Variants in CDK19 observed in about 807,000 individuals in gnomAD.
The protein encoded by CDK19 is cyclin-dependent kinase 19.
Under a neutral mutation model 68.3 loss-of-function variants are expected in CDK19, and 20 were observed. That is an observed-to-expected ratio of 0.29 (90% CI 0.21 to 0.43). The LOEUF is 0.43. CDK19 is among the 20% of genes least tolerant of loss of function. The pLI is 1.00. For missense variants in CDK19, 339 were observed against 623.5 expected (o/e 0.54, Z 4.86); for synonymous variants, 221 against 222.8 (o/e 0.99, Z 0.07).
At chr6:110,786,225 GTC>G (rs1485239184) in intron 1 of CDK19, among the ~76,000 whole-genome samples, 1 of 152,094 alleles carries the variant, frequency 6.6e-6, no homozygotes, top group Non-Finnish European at 1.5e-5. Flanking sequence ...CTTCTTGTGT[GTC>G]TTTTTCCTCA....
At chr6:110,627,354 G>A (rs1254337317) in intron 6 of CDK19, among the ~76,000 whole-genome samples, 2 of 151,244 alleles carry the variant, frequency 1.3e-5, no homozygotes, top group Non-Finnish European at 3.0e-5. Context: ...GTGTGTATGT[G>A]TATATATATA....
intron 2 of CDK19, among the ~76,000 whole-genome samples, chr6:110,711,824 C>T (rs1384517523): frequency 4.6e-5 from 7 of 152,132 alleles, no homozygotes; most frequent in East Asian, 3.9e-4. Flanking sequence ...AAAAATTAAC[C>T]GGGCGTGGTG....
chr6:110,774,855 G>A (rs969817109), intron 1 of CDK19, among the ~76,000 whole-genome samples: 1 of 151,432 alleles, frequency 6.6e-6, no homozygotes, highest in African/African-American at 2.4e-5. Flanking sequence ...AGGCTGAGGT[G>A]GGAGGATCAC....
At chr6:110,759,428 A>AT (rs1554219514) in intron 1 of CDK19, among the ~76,000 whole-genome samples, 683 of 50,736 alleles carry the variant, frequency 0.013, 7 homozygotes, top group Middle Eastern at 0.056. Flanking sequence ...AAAAAAAAAA[A>AT]ATATATATAT....
At chr6:110,776,422 T>A (rs1554222019) in intron 1 of CDK19, among the ~76,000 whole-genome samples, 1 of 144,016 alleles carries the variant, frequency 6.9e-6, no homozygotes, top group Non-Finnish European at 1.5e-5. Context: ...AGACTGAAAC[T>A]CTGTCTCAAA....
At position 110,815,270 on chromosome 6, in the gene CDK19, C is replaced by G. The variant is rs887444795; in HGVS notation, c.-134G>C. The stretch of plus-strand genomic sequence containing the variant: ...GCGCGCGCGCGCGCCGCCCGCCGCC[C>G]GCCGCTCCGCGGTCCGCCTTCAGCA... On this transcript the variant is annotated 5_prime_UTR_variant, in exon 1 of 13. Coordinates refer to ENST00000368911, the MANE Select transcript of CDK19 (RefSeq NM_015076.5). 6 of 1,041,350 alleles carry G rather than the reference C, an allele frequency of 5.8e-6. No individual in the cohort carries two copies. Among genetic ancestry groups the G allele is most frequent in the Non-Finnish European group, 7.6e-6 (6 of 792,894 alleles). The allele number at this position is 1,041,350 out of a possible 1,614,324, so 64.5% of individuals were successfully genotyped here.
intron 1 of CDK19, among the ~76,000 whole-genome samples, chr6:110,803,190 C>T (rs922795759): frequency 6.6e-6 from 1 of 152,182 alleles, no homozygotes; most frequent in Non-Finnish European, 1.5e-5. Context: ...CGCCATTCTC[C>T]TGCCTCAGCC....
At chr6:110,681,744 T>G (rs1021488379) in intron 2 of CDK19, among the ~76,000 whole-genome samples, 1 of 152,192 alleles carries the variant, frequency 6.6e-6, no homozygotes, top group Non-Finnish European at 1.5e-5. Context: ...TAAACAGCAA[T>G]TAAGTAGACC....
intron 5 of CDK19, among the ~76,000 whole-genome samples, chr6:110,636,260 C>T (rs991217613): frequency 3.3e-5 from 5 of 152,164 alleles, no homozygotes; most frequent in South Asian, 4.1e-4. Context: ...ATAAAGACTT[C>T]GGCTAGGGTG....
chr6:110,723,701 G>A (rs980564607), intron 2 of CDK19, among the ~76,000 whole-genome samples: 17 of 152,014 alleles, frequency 1.1e-4, no homozygotes, highest in African/African-American at 4.1e-4. Context: ...ACAATTAAAG[G>A]CCTTTTTATA....
At chr6:110,801,072 C>T (rs1214841572) in intron 1 of CDK19, among the ~76,000 whole-genome samples, 1 of 152,110 alleles carries the variant, frequency 6.6e-6, no homozygotes, top group Admixed American at 6.6e-5. Context: ...CAAAAGACTC[C>T]AAGACCCGAT....
chr6:110,746,397 G>A (rs1778081847), intron 1 of CDK19, among the ~76,000 whole-genome samples, 196 bp from the exon 2 acceptor site: 1 of 152,022 alleles, frequency 6.6e-6, no homozygotes, highest in Non-Finnish European at 1.5e-5. Flanking sequence ...ATGTCACAAT[G>A]AAAACATCAG....
At chr6:110,789,682 T>C (rs1177304983) in intron 1 of CDK19, among the ~76,000 whole-genome samples, 1 of 152,204 alleles carries the variant, frequency 6.6e-6, no homozygotes, top group Non-Finnish European at 1.5e-5. Context: ...AGTGCTGGGA[T>C]TGCAGGAATG....
intron 2 of CDK19, among the ~76,000 whole-genome samples, chr6:110,695,126 T>TAAAGGGG (rs61287960): frequency 6.2e-4 from 89 of 143,624 alleles, no homozygotes; most frequent in African/African-American, 1.9e-3. Context: ...GGAGAAAGGG[T>TAAAGGGG]AAAGGGGAAA....
intron 2 of CDK19, among the ~76,000 whole-genome samples, chr6:110,701,324 C>T (rs1415877431): frequency 1.8e-4 from 27 of 150,718 alleles, no homozygotes; most frequent in African/African-American, 6.6e-4. Flanking sequence ...GGGCAGATCA[C>T]GAGGTCAGGA....
intron 2 of CDK19, among the ~76,000 whole-genome samples, chr6:110,744,345 A>G (rs1362306991): frequency 6.6e-6 from 1 of 151,840 alleles, no homozygotes; most frequent in Non-Finnish European, 1.5e-5. Flanking sequence ...AAATCACCAA[A>G]TTAGAATTTT....
chr6:110,692,814 T>C (rs184894941), intron 2 of CDK19, among the ~76,000 whole-genome samples: 14 of 152,218 alleles, frequency 9.2e-5, no homozygotes, highest in Non-Finnish European at 1.8e-4. Context: ...CTGGCCAACA[T>C]GGCAAAACCC....
intron 2 of CDK19, among the ~76,000 whole-genome samples, chr6:110,737,114 AG>A (rs1408101523): frequency 7.2e-5 from 11 of 152,208 alleles, no homozygotes; most frequent in Admixed American, 2.6e-4. Flanking sequence ...AAGAGCCTAA[AG>A]GTTGTGCTAA....
chr6:110,813,127 T>C (rs1783246419), intron 1 of CDK19: 1 of 151,932 alleles, frequency 6.6e-6, no homozygotes, highest in Non-Finnish European at 1.5e-5. Context: ...GCTTTATTAA[T>C]TCTAATTAAC....
Sources: gnomAD v4.1 joint callset for allele counts (sites outside exome capture counted in the v4.1 genomes callset) on GRCh38, gnomAD v4.1.1 for gene constraint, MANE v1.5 for transcripts, NCBI Gene and HGNC (gene_info 2026-07-23, HGNC 2026-07-21) for gene names.